Variants in CRBN observed in about 807,000 individuals in gnomAD.
CRBN encodes the protein cereblon, also known as protein cereblon.
In CRBN, 53 loss-of-function variants were observed where a neutral mutation model predicts 62.2. The ratio of observed to expected loss-of-function variants is 0.85; its 90% CI spans 0.68 to 1.07. The LOEUF (loss-of-function observed/expected upper bound fraction) is 1.07, where lower values mean the gene tolerates loss of function less well. Ranked by LOEUF, CRBN falls within the 50% of genes least tolerant of loss-of-function variation. The probability of loss-of-function intolerance (pLI) is 0.00; values close to 1 mark genes in which losing one functional copy is unlikely to be tolerated. For missense variants in CRBN, 616 were observed against 531.1 expected, an observed-to-expected ratio of 1.16 and a Z score of -1.57; for synonymous variants, 208 against 176.1, an observed-to-expected ratio of 1.18 and a Z score of -1.43.
At chr3:3,152,062 CCTTTT>C (rs1219307443) in intron 10 of CRBN, among the ~76,000 whole-genome samples, 1 of 152,004 alleles carries the variant, frequency 6.6e-6, no homozygotes, top group Non-Finnish European at 1.5e-5. Flanking sequence ...CAGTTGTCAA[CCTTTT>C]CTTCCTTTCA....
chr3:3,175,062 C>A, intron 2 of CRBN, 101 bp downstream of exon 2: 1 of 664,146 alleles, frequency 1.5e-6, no homozygotes, highest in African/African-American at 1.9e-5. Flanking sequence ...TCCACAATTT[C>A]TGATATCTAG....
At chr3:3,177,037 C>A (rs760134674) in intron 1 of CRBN, among the ~76,000 whole-genome samples, 15 of 152,140 alleles carry the variant, frequency 9.9e-5, no homozygotes, top group Non-Finnish European at 2.1e-4. Flanking sequence ...TAAGGGAGTC[C>A]TACTGGCATC....
chr3:3,175,833 G>C (rs1172445049), intron 1 of CRBN, among the ~76,000 whole-genome samples: 1 of 152,190 alleles, frequency 6.6e-6, no homozygotes, highest in African/African-American at 2.4e-5. Context: ...CCCATGATTA[G>C]ACTGAGGATA....
At chr3:3,151,781 G>GGGAACTGA (rs201226334) in intron 10 of CRBN, among the ~76,000 whole-genome samples, 2,932 of 152,088 alleles carry the variant, frequency 0.019, 87 homozygotes, top group African/African-American at 0.066. Flanking sequence ...GTACAGCTGA[G>GGGAACTGA]GGAACTGAAC....
chr3:3,179,504 C>A, intron 1 of CRBN, 117 bp downstream of exon 1: 1 of 990,168 alleles, frequency 1.0e-6, no homozygotes, highest in Non-Finnish European at 1.6e-6. Flanking sequence ...TGCGGCCCTG[C>A]TGGGCTGGCT....
At chr3:3,177,760 T>C (rs1707884612) in intron 1 of CRBN, among the ~76,000 whole-genome samples, 1 of 152,206 alleles carries the variant, frequency 6.6e-6, no homozygotes, top group Non-Finnish European at 1.5e-5. Flanking sequence ...TAAAAACCAC[T>C]TTCCCCTACT....
At chr3:3,171,237 T>G (rs911391649) in intron 4 of CRBN, among the ~76,000 whole-genome samples, 22 of 152,216 alleles carry the variant, frequency 1.4e-4, no homozygotes, top group African/African-American at 5.3e-4. Context: ...CTGAGAAATA[T>G]ACTTTTCCCC....
intron 5 of CRBN, among the ~76,000 whole-genome samples, chr3:3,164,960 T>C (rs1183873344): frequency 6.6e-6 from 1 of 152,180 alleles, no homozygotes; most frequent in African/African-American, 2.4e-5. Context: ...TTAAGAATAA[T>C]CATGATTCAT....
At chr3:3,149,948 G>GCAGCCTTTTTAGAACTTTA (rs1249672338), downstream of CRBN, 2 of 152,124 alleles carry the variant, frequency 1.3e-5, no homozygotes, top group African/African-American at 4.8e-5. Context: ...AGGTGGCAAA[G>GCAGCCTTTTTAGAACTTTA]CAGCCTTTTT....
chr3:3,159,236 T>C (rs528462760), intron 5 of CRBN, among the ~76,000 whole-genome samples: 40 of 152,206 alleles, frequency 2.6e-4, no homozygotes, highest in Non-Finnish European at 5.1e-4. Flanking sequence ...ATTTAGGCTA[T>C]GCCAGTGAAT....
Position 3,170,989 on chromosome 3 carries a change from G to C in CRBN, c.527+1787C>G, listed in dbSNP as rs565861572. 5.3e-5 allele frequency among the ~76,000 whole-genome samples: 8 copies of C among 152,272 alleles called. No individual in the cohort carries two copies. The South Asian group carries it at 1.7e-3, about 32-fold the overall frequency. ...CCCGGCTAACTTTGTATTTTTAGTA[G>C]AGATGGGGTTTCTCCATGTTGGTCA... On this transcript the variant is annotated intron_variant, in intron 4 of 10. Transcript: ENST00000231948.
chr3:3,152,671 C>A (rs1401225454), intron 9 of CRBN, 84 bp from the exon 10 acceptor site: 7 of 1,511,192 alleles, frequency 4.6e-6, no homozygotes, highest in Non-Finnish European at 6.4e-6. Context: ...TGAAGTTCAC[C>A]AAGAAATGAG....
intron 5 of CRBN, among the ~76,000 whole-genome samples, chr3:3,159,989 A>G (rs554776321): frequency 1.3e-5 from 2 of 152,346 alleles, no homozygotes; most frequent in East Asian, 1.9e-4. Flanking sequence ...ATACTAGCCA[A>G]AAAGTTTAGG....
At chr3:3,153,243 T>C in intron 9 of CRBN, 181 bp downstream of exon 9, 2 of 560,594 alleles carry the variant, frequency 3.6e-6, no homozygotes, top group Non-Finnish European at 6.5e-6. Flanking sequence ...TGACATGCAT[T>C]GTTGCTCTGA....
intron 1 of CRBN, among the ~76,000 whole-genome samples, chr3:3,178,000 A>G (rs1257837363): frequency 7.0e-6 from 1 of 143,240 alleles, no homozygotes; most frequent in Non-Finnish European, 1.5e-5. Flanking sequence ...GAAAAACAAA[A>G]AACAAAACAA....
At chr3:3,154,700 T>C (rs768041424) in intron 7 of CRBN, 47 bp downstream of exon 7, 1 of 1,030,990 alleles carries the variant, frequency 9.7e-7, no homozygotes, top group East Asian at 2.4e-5. Flanking sequence ...AGCTATTTTT[T>C]ATAGCAAGAC....
At chr3:3,172,740 C>T in intron 4 of CRBN, 36 bp downstream of exon 4, 1 of 1,594,184 alleles carries the variant, frequency 6.3e-7, no homozygotes, top group Non-Finnish European at 8.6e-7. Context: ...CATTAGGAAA[C>T]ATTCAAAGAG....
Position 3,153,985 on chromosome 3 carries a change from C to T in CRBN, c.926G>A (p.Arg309His). The T allele has an allele frequency of 4.3e-6, 7 of 1,609,516 alleles. No homozygotes were observed. The highest frequency in any genetic ancestry group is 1.3e-5 in the African/African-American group (1 of 74,926). The change falls in exon 8 of 11, where the codon CGC (arginine) becomes CAC (histidine). Residue 309 changes from arginine (R) to histidine (H), a missense_variant. Arg to His is a conservative substitution (Grantham distance 29, BLOSUM62 0). Coordinates refer to ENST00000231948, the MANE Select transcript of CRBN (RefSeq NM_016302.4). ...LKIGSAIQRL[R>H]CELDIMNKCT... ...TTTATTCATAATGTCTAATTCACAG[C>T]GAAGTCGCTGGATAGCACTGCCAAT... is the stretch of plus-strand genomic sequence containing the variant.
At chr3:3,174,022 A>AGG (rs1485268242) in intron 3 of CRBN, 37 bp downstream of exon 3, 1 of 1,537,468 alleles carries the variant, frequency 6.5e-7, no homozygotes, top group South Asian at 1.1e-5. Context: ...TACCCATGAG[A>AGG]GGGAATGTAT....
Sources: allele counts gnomAD v4.1 joint callset (sites outside exome capture counted in the v4.1 genomes callset), GRCh38; gene constraint gnomAD v4.1.1; transcripts MANE v1.5; gene names NCBI Gene and HGNC (gene_info 2026-07-23, HGNC 2026-07-21).